The following SEPTIN9 variants were observed in gnomAD, a reference collection of about 807,000 sequenced individuals.
The protein encoded by SEPTIN9 is septin 9.
In SEPTIN9, 13 loss-of-function variants were observed where a neutral mutation model predicts 56.6. The ratio of observed to expected loss-of-function variants is 0.23; its 90% CI spans 0.15 to 0.37. The LOEUF (loss-of-function observed/expected upper bound fraction) is 0.37. Ranked by LOEUF, SEPTIN9 falls within the 10% of genes least tolerant of loss-of-function variation. The probability of loss-of-function intolerance (pLI) is 1.00; values close to 1 mark genes in which losing one functional copy is unlikely to be tolerated. For missense variants in SEPTIN9, 650 were observed against 823.1 expected, an observed-to-expected ratio of 0.79 and a Z score of 2.57; for synonymous variants, 332 against 334.1, an observed-to-expected ratio of 0.99 and a Z score of 0.07.
At chr17:77,307,024 C>T (rs1360359586) in intron 1 of SEPTIN9, 117 bp from the exon 2 acceptor site, 1 of 1,001,328 alleles carries the variant, frequency 1.0e-6, no homozygotes, top group African/African-American at 1.6e-5. Flanking sequence ...GGCCCCGTTT[C>T]TGGCTCTGGA....
At chr17:77,384,882 C>T (rs2035279380) in intron 2 of SEPTIN9, among the ~76,000 whole-genome samples, 1 of 149,174 alleles carries the variant, frequency 6.7e-6, no homozygotes, top group Non-Finnish European at 1.5e-5. Flanking sequence ...CACACACACA[C>T]ACACACTCCC....
At chr17:77,432,045 T>C (rs1041771413) in intron 3 of SEPTIN9, among the ~76,000 whole-genome samples, 2 of 150,698 alleles carry the variant, frequency 1.3e-5, no homozygotes, top group Admixed American at 6.6e-5. Flanking sequence ...CAGCTGGGGG[T>C]GGGGGGCAGC....
chr17:77,475,835 C>T lies in SEPTIN9; in HGVS notation c.722-6309C>T, dbSNP rs1287545079. On this transcript the variant is annotated intron_variant, in intron 3 of 11. Coordinates refer to ENST00000427177, the MANE Select transcript of SEPTIN9 (RefSeq NM_001113491.2). The surrounding 1 kb of genome is among the most constrained non-coding windows in gnomAD (Gnocchi z 4.6). Reference sequence around the variant, plus strand: ...TGCCGTGGCCTGGTCAGTGGCTTCACAGGCCTCCGTGGGCAGGAGGAGGAT... The same window carrying T: ...TGCCGTGGCCTGGTCAGTGGCTTCATAGGCCTCCGTGGGCAGGAGGAGGAT... 1.2e-6 allele frequency: 2 copies of T among 1,613,588 alleles called. No homozygotes were observed. The highest frequency in any genetic ancestry group is 4.5e-5 in the East Asian group (2 of 44,884).
In SEPTIN9 at chr17:77,409,785, C is replaced by T. The variant is rs964368073; in HGVS notation, c.721+7082C>T. On this transcript the variant is annotated intron_variant, in intron 3 of 11. Transcript: ENST00000427177. ...CGAGCCTGTCCGGAGGGGCGCGCCG[C>T]GGCCAGACAGCCATGCTCTGTGCGG... Among the ~76,000 whole-genome samples, 4 of 152,362 alleles carry T rather than the reference C, an allele frequency of 2.6e-5. No individual in the cohort carries two copies. In the South Asian group the frequency reaches 8.3e-4, roughly 32 times the overall value.
intron 2 of SEPTIN9, among the ~76,000 whole-genome samples, chr17:77,320,786 G>A (rs566785890): frequency 8.5e-5 from 13 of 152,210 alleles, no homozygotes; most frequent in African/African-American, 2.9e-4. Context: ...AGGCTGCCTC[G>A]GTCTCCTACC....
intron 2 of SEPTIN9, among the ~76,000 whole-genome samples, chr17:77,335,044 T>C (rs1452035515): frequency 6.6e-6 from 1 of 152,050 alleles, no homozygotes; most frequent in Non-Finnish European, 1.5e-5. Flanking sequence ...ATTGGCCCTA[T>C]GTTGACTGTA....
At chr17:77,294,034 G>T (rs935080403) in intron 1 of SEPTIN9, among the ~76,000 whole-genome samples, 1 of 151,704 alleles carries the variant, frequency 6.6e-6, no homozygotes, top group East Asian at 1.9e-4. Context: ...AGCCCAGGAG[G>T]TCGAGGCTGC....
intron 3 of SEPTIN9, among the ~76,000 whole-genome samples, chr17:77,462,995 AC>A (rs933832860): frequency 6.6e-6 from 1 of 152,132 alleles, no homozygotes; most frequent in African/African-American, 2.4e-5. Context: ...GTCGTGGGAA[AC>A]TGTGACAGAG....
At chr17:77,372,297 G>A (rs533878580) in intron 2 of SEPTIN9, among the ~76,000 whole-genome samples, 1 of 152,288 alleles carries the variant, frequency 6.6e-6, no homozygotes, top group Admixed American at 6.5e-5. Flanking sequence ...ACAGACCTGG[G>A]GGGCCCTTCT....
At chr17:77,495,685 G>A (rs549819611) in intron 10 of SEPTIN9, among the ~76,000 whole-genome samples, 20 of 152,308 alleles carry the variant, frequency 1.3e-4, no homozygotes, top group East Asian at 3.9e-4. Flanking sequence ...CTCGCTGCCC[G>A]TCAGTGTTAG....
chr17:77,496,712 A>C (rs2040276682), intron 10 of SEPTIN9, among the ~76,000 whole-genome samples: 1 of 152,184 alleles, frequency 6.6e-6, no homozygotes, highest in Non-Finnish European at 1.5e-5. Flanking sequence ...CATGTCCCTG[A>C]GCAATGTTTA....
intron 3 of SEPTIN9, among the ~76,000 whole-genome samples, chr17:77,428,364 C>A (rs909810537): frequency 3.3e-5 from 5 of 152,204 alleles, no homozygotes; most frequent in Non-Finnish European, 5.9e-5. Flanking sequence ...ACAGGCGAAG[C>A]GGTCAAGGGA....
chr17:77,490,610 CCT>C, intron 7 of SEPTIN9, 130 bp from the exon 8 acceptor site: 2 of 718,392 alleles, frequency 2.8e-6, no homozygotes, highest in South Asian at 1.6e-5. Context: ...GGCCCGGGGC[CCT>C]GTCCTTGCCA....
At chr17:77,396,591 A>C (rs961639449) in intron 2 of SEPTIN9, among the ~76,000 whole-genome samples, 1 of 152,064 alleles carries the variant, frequency 6.6e-6, no homozygotes, top group African/African-American at 2.4e-5. Flanking sequence ...CACATTGGGA[A>C]GAGAGGGGCG....
At chr17:77,430,391 G>C (rs1429222405) in intron 3 of SEPTIN9, among the ~76,000 whole-genome samples, 3 of 152,192 alleles carry the variant, frequency 2.0e-5, no homozygotes, top group Non-Finnish European at 1.5e-5. Context: ...CATGCAGCGG[G>C]GGGTGGAGGA....
chr17:77,342,080 AAAAAAAACAAAGAAAG>A (rs2033751076), intron 2 of SEPTIN9, among the ~76,000 whole-genome samples: 1 of 151,976 alleles, frequency 6.6e-6, no homozygotes, highest in Admixed American at 6.6e-5. Context: ...GTCTCAAAAA[AAAAAAAACAAAGAAAG>A]AAAAAAGAAA....
intron 4 of SEPTIN9, among the ~76,000 whole-genome samples, chr17:77,484,787 ATGG>A (rs550607842): frequency 2.1e-5 from 1 of 48,464 alleles, no homozygotes; most frequent in Non-Finnish European, 3.9e-5. Flanking sequence ...GGTGATTGTG[ATGG>A]TGGTGATGTG....
intron 10 of SEPTIN9, among the ~76,000 whole-genome samples, chr17:77,496,648 C>T: frequency 6.6e-6 from 1 of 152,250 alleles, no homozygotes; most frequent in South Asian, 2.1e-4. Flanking sequence ...CCCAGTCTCC[C>T]TGAGAAGTGG....
rs2036879014 is a variant in SEPTIN9 at position 77,425,656 on chromosome 17, C to T, written c.721+22953C>T. Among the ~76,000 whole-genome samples, 1 of 152,238 alleles carries T rather than the reference C, an allele frequency of 6.6e-6. No homozygotes were observed. The highest frequency in any genetic ancestry group is 2.1e-4 in the South Asian group (1 of 4,836). ...GAGGGACCCTCCACTGCCTCTTTCT[C>T]TGTCTCTTGGGAAAGGTAGGGTCTT... is the stretch of plus-strand genomic sequence containing the variant. On this transcript the variant is annotated intron_variant, in intron 3 of 11. Transcript: ENST00000427177. The surrounding 1 kb of genome is among the most constrained non-coding windows in gnomAD (Gnocchi z 4.2).
Sources: gnomAD v4.1 joint callset for allele counts (sites outside exome capture counted in the v4.1 genomes callset) on GRCh38, gnomAD v4.1.1 for gene constraint, Gnocchi (gnomAD v3.1) non-coding constraint, MANE v1.5 for transcripts, NCBI Gene and HGNC (gene_info 2026-07-23, HGNC 2026-07-21) for gene names.